RANBP17: variants seen among roughly 807,000 people sequenced by gnomAD.
RANBP17 encodes RAN binding protein 17.
Under a neutral mutation model 141.2 loss-of-function variants are expected in RANBP17, and 158 were observed. The ratio of observed to expected loss-of-function variants is 1.12; its 90% CI spans 0.98 to 1.28. The LOEUF is 1.28. Ranked by LOEUF, RANBP17 falls within the 50% of genes most tolerant of loss-of-function variation. The probability of loss-of-function intolerance (pLI) is 0.00; values close to 1 mark genes in which losing one functional copy is unlikely to be tolerated. For missense variants in RANBP17, 1,438 were observed against 1,290.7 expected (o/e 1.11, Z -1.75); for synonymous variants, 430 against 450.0 (o/e 0.96, Z 0.56).
At chr5:171,170,011 A>G (rs907988448) in intron 14 of RANBP17, 119 bp from the exon 15 acceptor site, 2 of 455,064 alleles carry the variant, frequency 4.4e-6, no homozygotes, top group Non-Finnish European at 7.8e-6. Context: ...TCTCCCACCC[A>G]CTCCCTACTT....
intron 14 of RANBP17, among the ~76,000 whole-genome samples, chr5:171,075,807 G>A (rs1001793230): frequency 6.6e-6 from 1 of 152,078 alleles, no homozygotes; most frequent in South Asian, 2.1e-4. Context: ...ACAAAAATTA[G>A]CTGGGCATGG....
chr5:171,201,993 C>T (rs1762324606), intron 19 of RANBP17, among the ~76,000 whole-genome samples: 1 of 152,122 alleles, frequency 6.6e-6, no homozygotes, highest in African/African-American at 2.4e-5. Context: ...GCAGGACTGC[C>T]AAATTCATTT....
chr5:170,991,575 A>G (rs1778512568), intron 14 of RANBP17, among the ~76,000 whole-genome samples: 1 of 151,950 alleles, frequency 6.6e-6, no homozygotes, highest in Non-Finnish European at 1.5e-5. Flanking sequence ...AGATGCGGGA[A>G]GCAGCTTGGC....
At chr5:171,196,085 AAAC>A (rs1402395521) in intron 18 of RANBP17, among the ~76,000 whole-genome samples, 7 of 152,208 alleles carry the variant, frequency 4.6e-5, no homozygotes, top group African/African-American at 1.7e-4. Flanking sequence ...CTAATAGGAT[AAAC>A]AACAAATGAA....
At chr5:171,179,447 T>C (rs2127909948) in intron 16 of RANBP17, among the ~76,000 whole-genome samples, 1 of 152,252 alleles carries the variant, frequency 6.6e-6, no homozygotes, top group East Asian at 1.9e-4. Context: ...ACATTTCAGT[T>C]ACTCTACTTT....
intron 14 of RANBP17, among the ~76,000 whole-genome samples, chr5:171,057,800 T>TA (rs1456568573): frequency 6.6e-6 from 1 of 152,002 alleles, no homozygotes; most frequent in Non-Finnish European, 1.5e-5. Context: ...GCCAGATGCT[T>TA]ACAAAACCAT....
In RANBP17 at chr5:170,953,696, C is replaced by T. The variant is rs1432050452; in HGVS notation, c.1568C>T (p.Ser523Phe). The T allele has an allele frequency of 6.3e-7, 1 of 1,587,498 alleles. No homozygotes were observed. The highest frequency in any genetic ancestry group is 2.2e-5 in the East Asian group (1 of 44,628). Residue 523 changes from serine (S) to phenylalanine (F), a missense_variant, in exon 13 of 28, where the codon TCC (serine) becomes TTC (phenylalanine). Ser to Phe is a radical substitution (Grantham distance 155). Coordinates refer to ENST00000523189, the MANE Select transcript of RANBP17 (RefSeq NM_022897.5). ...DEHDAMDGEL[S>F]CRVFQLISLM... ...CATGATGCTATGGATGGAGAATTAT[C>T]CTGTCGGTAAGTAAGAGCTATGTAA... is the stretch of plus-strand genomic sequence containing the variant.
At chr5:171,022,766 C>T (rs960379446) in intron 14 of RANBP17, among the ~76,000 whole-genome samples, 4 of 152,202 alleles carry the variant, frequency 2.6e-5, no homozygotes, top group Non-Finnish European at 5.9e-5. Context: ...CCACAAGGAG[C>T]TCAAATGGCT....
intron 5 of RANBP17, chr5:170,903,883 A>C: frequency 2.0e-6 from 1 of 508,172 alleles, no homozygotes; most frequent in South Asian, 1.6e-5. Flanking sequence ...CTTAATAAGG[A>C]CCATAATGAA....
chr5:171,135,231 G>T (rs971276998), intron 14 of RANBP17, among the ~76,000 whole-genome samples: 3 of 143,118 alleles, frequency 2.1e-5, no homozygotes, highest in African/African-American at 7.9e-5. Context: ...AGTGAGCTGA[G>T]ATCAAGCCAC....
At chr5:171,279,913 G>A (rs548977562) in intron 25 of RANBP17, among the ~76,000 whole-genome samples, 9 of 151,972 alleles carry the variant, frequency 5.9e-5, no homozygotes, top group African/African-American at 1.4e-4. Flanking sequence ...CTAAGTTTTC[G>A]CAGGGCCTTA....
At chr5:171,214,394 A>G (rs1348221327) in intron 21 of RANBP17, among the ~76,000 whole-genome samples, 2 of 152,246 alleles carry the variant, frequency 1.3e-5, no homozygotes, top group African/African-American at 4.8e-5. Context: ...TGTAGCTAAA[A>G]GAGAAAATCT....
At chr5:171,056,082 T>G (rs1017663476) in intron 14 of RANBP17, among the ~76,000 whole-genome samples, 2 of 151,978 alleles carry the variant, frequency 1.3e-5, no homozygotes, top group Non-Finnish European at 2.9e-5. Context: ...CAAAAGAAAA[T>G]CTTCTTAACT....
At chr5:171,241,341 G>C (rs141826945) in intron 23 of RANBP17, among the ~76,000 whole-genome samples, 199 bp downstream of exon 23, 1 of 144,456 alleles carries the variant, frequency 6.9e-6, no homozygotes, top group Non-Finnish European at 1.5e-5. Context: ...TGATTATATA[G>C]AAACCAATAT....
At chr5:171,126,960 A>G (rs1260459004) in intron 14 of RANBP17, among the ~76,000 whole-genome samples, 1 of 152,230 alleles carries the variant, frequency 6.6e-6, no homozygotes, top group African/African-American at 2.4e-5. Context: ...AATGGAGAGA[A>G]TTCTTTCTAA....
At chr5:171,229,045 T>C (rs538692633) in intron 22 of RANBP17, among the ~76,000 whole-genome samples, 41 of 152,234 alleles carry the variant, frequency 2.7e-4, no homozygotes, top group Non-Finnish European at 4.6e-4. Flanking sequence ...ATGATACTTA[T>C]GTATAAATGA....
rs1766185029 is a variant in RANBP17 at position 171,259,996 on chromosome 5, TATAAAA to T, written c.2777-5684_2777-5679del. Among the ~76,000 whole-genome samples the T allele has an allele frequency of 2.1e-5, 3 of 145,846 alleles. No individual in the cohort carries two copies. In the South Asian group the frequency reaches 6.6e-4, roughly 32 times the overall value. On this transcript the variant is annotated intron_variant, in intron 24 of 27. Coordinates refer to ENST00000523189, the MANE Select transcript of RANBP17 (RefSeq NM_022897.5). The stretch of plus-strand genomic sequence containing the variant: ...ACTGTCTCAAAAATCAATAAATAAA[TATAAAA>T]TAAAAATAAAAATTAGGTCGGGCGC...
chr5:171,050,647 C>A, intron 14 of RANBP17, among the ~76,000 whole-genome samples: 1 of 152,098 alleles, frequency 6.6e-6, no homozygotes, highest in Admixed American at 6.6e-5. Flanking sequence ...TGAGATCGTG[C>A]CACTGCACTT....
chr5:170,950,838 G>A lies in RANBP17; in HGVS notation c.1469-2759G>A, dbSNP rs1445267335. ...AGATATGGAATCAACCTACATTCCCGTTGATGGATGGATAAAATAATGTGG... is the reference window on the plus strand; with the variant it reads ...AGATATGGAATCAACCTACATTCCCATTGATGGATGGATAAAATAATGTGG... On this transcript the variant is annotated intron_variant, in intron 12 of 27. Coordinates refer to ENST00000523189, the MANE Select transcript of RANBP17 (RefSeq NM_022897.5). Among the ~76,000 whole-genome samples the A allele has an allele frequency of 2.6e-5, 4 of 152,160 alleles. No individual in the cohort carries two copies. In the South Asian group the frequency reaches 6.2e-4, roughly 24 times the overall value.
Sources: allele counts gnomAD v4.1 joint callset (sites outside exome capture counted in the v4.1 genomes callset), GRCh38; gene constraint gnomAD v4.1.1; transcripts MANE v1.5; gene names NCBI Gene and HGNC (gene_info 2026-07-23, HGNC 2026-07-21).